The following CDK7 variants were observed in gnomAD, a reference collection of about 807,000 sequenced individuals.
CDK7 encodes the protein cyclin-dependent kinase 7.
In CDK7, 25 loss-of-function variants were observed where a neutral mutation model predicts 49.1. The observed-to-expected ratio is 0.51, with a 90% confidence interval of 0.37 to 0.71. The LOEUF is 0.71. CDK7 is among the 30% of genes least tolerant of loss of function. The probability of loss-of-function intolerance (pLI) is 0.00; values close to 1 mark genes in which losing one functional copy is unlikely to be tolerated. For synonymous variants in CDK7, 107 were observed against 140.0 expected (o/e 0.76, Z 1.67); for missense variants, 316 against 411.7 (o/e 0.77, Z 2.01).
chr5:69,245,742 GTT>G (rs1399686229), intron 2 of CDK7, among the ~76,000 whole-genome samples: 2 of 152,050 alleles, frequency 1.3e-5, no homozygotes, highest in Non-Finnish European at 2.9e-5. Flanking sequence ...TTACTGGCCT[GTT>G]TAGGTTTTCA....
intron 8 of CDK7, among the ~76,000 whole-genome samples, chr5:69,265,158 G>A (rs1156855656): frequency 5.9e-5 from 9 of 151,736 alleles, no homozygotes; most frequent in Admixed American, 2.6e-4. Context: ...CCAGCTACTC[G>A]GGAGACTGAG....
chr5:69,239,893 A>G (rs1253284313), intron 2 of CDK7, among the ~76,000 whole-genome samples: 4 of 149,154 alleles, frequency 2.7e-5, no homozygotes, highest in African/African-American at 4.9e-5. Flanking sequence ...TTTTTTTTCA[A>G]TAGAGACAGG....
intron 2 of CDK7, among the ~76,000 whole-genome samples, chr5:69,243,819 G>A (rs1237622311): frequency 7.6e-6 from 1 of 131,804 alleles, no homozygotes; most frequent in African/African-American, 2.8e-5. Flanking sequence ...TTTCACCAAT[G>A]ATAGTTGTTT....
Position 69,276,682 on chromosome 5 carries a change from T to C in CDK7, c.1004T>C (p.Leu335Ser), listed in dbSNP as rs753887681. 9.9e-6 allele frequency: 16 copies of C among 1,612,128 alleles called. No individual in the cohort carries two copies. Among genetic ancestry groups the C allele is most frequent in the Non-Finnish European group, 1.4e-5 (16 of 1,179,350 alleles). ...LAIKRKRTEA[L>S]EQGGLPKKLI... ...ATAAAAAGGAAAAGAACAGAGGCCT[T>C]AGAACAAGGTAAGATTCCCACTTTT... The change falls in exon 11 of 12, where the codon TTA becomes TCA. Residue 335 changes from leucine (L) to serine (S), a missense_variant. Transcript: ENST00000256443.
intron 5 of CDK7, among the ~76,000 whole-genome samples, chr5:69,256,962 A>T (rs1390393726): frequency 3.3e-5 from 5 of 152,218 alleles, no homozygotes; most frequent in African/African-American, 1.2e-4. Context: ...AACATCCCTC[A>T]TTCTAACTGT....
chr5:69,272,998 G>A lies in CDK7; in HGVS notation c.821G>A (p.Gly274Asp), dbSNP rs1231179576. ...AGDDLLDLIQGLFLFNPCARI... is the reference protein window; with the variant it reads ...AGDDLLDLIQDLFLFNPCARI... Reference sequence around the variant, plus strand: ...GACGACTTACTAGATCTCATACAAGGCTTATTCTTATTTAATCCATGTGCT... The same window carrying A: ...GACGACTTACTAGATCTCATACAAGACTTATTCTTATTTAATCCATGTGCT... The change falls in exon 10 of 12, where the codon GGC becomes GAC. Residue 274 changes from glycine (G) to aspartate (D), a missense_variant. Transcript: ENST00000256443. The A allele has an allele frequency of 3.2e-6, 5 of 1,585,390 alleles. No individual in the cohort carries two copies. The highest frequency in any genetic ancestry group is 4.3e-6 in the Non-Finnish European group (5 of 1,163,290).
intron 10 of CDK7, among the ~76,000 whole-genome samples, chr5:69,275,588 G>A (rs1258278497): frequency 6.6e-6 from 1 of 152,156 alleles, no homozygotes; most frequent in Non-Finnish European, 1.5e-5. Flanking sequence ...ATGACGTGAT[G>A]CCACAAGTGG....
At chr5:69,262,362 A>G in intron 8 of CDK7, 58 bp downstream of exon 8, 4 of 1,610,730 alleles carry the variant, frequency 2.5e-6, no homozygotes, top group Middle Eastern at 1.7e-4. Context: ...TTGTTCTGAC[A>G]GTTTGTATAA....
At chr5:69,236,644 T>A (rs1246706695) in intron 2 of CDK7, among the ~76,000 whole-genome samples, 1 of 141,202 alleles carries the variant, frequency 7.1e-6, no homozygotes, top group Admixed American at 6.7e-5. Context: ...TTTTATTTTT[T>A]ATTTTATTTT....
intron 2 of CDK7, among the ~76,000 whole-genome samples, chr5:69,244,433 G>A (rs1198219204): frequency 1.3e-5 from 2 of 151,802 alleles, no homozygotes; most frequent in Non-Finnish European, 2.9e-5. Context: ...CGAGGTGGGC[G>A]GATCACCTGA....
intron 5 of CDK7, among the ~76,000 whole-genome samples, 158 bp from the exon 6 acceptor site, chr5:69,257,883 ACT>A (rs2150209760): frequency 6.6e-6 from 1 of 152,262 alleles, no homozygotes; most frequent in East Asian, 1.9e-4. Flanking sequence ...TACCCATCTA[ACT>A]CTGGAGATTT....
intron 2 of CDK7, among the ~76,000 whole-genome samples, chr5:69,243,826 GTTTTTTTTT>G (rs747576681): frequency 1.5e-5 from 1 of 66,394 alleles, no homozygotes; most frequent in African/African-American, 5.5e-5. Context: ...AATGATAGTT[GTTTTTTTTT>G]TTTTTTTTTT....
chr5:69,244,854 T>C (rs1749631912), intron 2 of CDK7, among the ~76,000 whole-genome samples: 1 of 152,140 alleles, frequency 6.6e-6, no homozygotes, highest in Non-Finnish European at 1.5e-5. Flanking sequence ...TGAGATATGT[T>C]CTTCTATACC....
chr5:69,266,165 G>A (rs949825906), intron 8 of CDK7, among the ~76,000 whole-genome samples: 7 of 152,232 alleles, frequency 4.6e-5, no homozygotes, highest in Admixed American at 3.3e-4. Flanking sequence ...GCGCACTTGC[G>A]GTCAGCAGGC....
intron 2 of CDK7, among the ~76,000 whole-genome samples, chr5:69,244,893 G>C (rs893974529): frequency 2.6e-5 from 4 of 151,926 alleles, no homozygotes; most frequent in African/African-American, 9.7e-5. Context: ...TATCATGAAG[G>C]GATGTTAGAT....
At chr5:69,264,021 G>A (rs1157649174) in intron 8 of CDK7, among the ~76,000 whole-genome samples, 3 of 152,146 alleles carry the variant, frequency 2.0e-5, no homozygotes, top group African/African-American at 7.2e-5. Flanking sequence ...CAATTGAAAA[G>A]GTAGAAATGT....
intron 2 of CDK7, among the ~76,000 whole-genome samples, chr5:69,245,363 T>A (rs556583763): frequency 6.9e-6 from 1 of 145,752 alleles, no homozygotes; most frequent in African/African-American, 2.5e-5. Context: ...ATTTTTTTTT[T>A]CTCGCTCTAT....
chr5:69,236,962 T>C (rs1184245712), intron 2 of CDK7, among the ~76,000 whole-genome samples: 15 of 146,420 alleles, frequency 1.0e-4, no homozygotes, highest in Admixed American at 8.2e-4. Context: ...TTCTTTTTTT[T>C]TTTTTTTTTT....
At chr5:69,238,277 T>C (rs1441096082) in intron 2 of CDK7, among the ~76,000 whole-genome samples, 1 of 126,944 alleles carries the variant, frequency 7.9e-6, no homozygotes, top group Non-Finnish European at 1.6e-5. Flanking sequence ...TTGCATACTT[T>C]TTTTTTCCTT....
Sources: allele counts gnomAD v4.1 joint callset (sites outside exome capture counted in the v4.1 genomes callset), GRCh38; gene constraint gnomAD v4.1.1; transcripts MANE v1.5; gene names NCBI Gene and HGNC (gene_info 2026-07-23, HGNC 2026-07-21).